The following MCM4 variants were observed in gnomAD, a reference collection of about 807,000 sequenced individuals.
The protein encoded by MCM4 is minichromosome maintenance complex component 4.
In MCM4, 60 loss-of-function variants were observed where a neutral mutation model predicts 88.7. The observed-to-expected ratio is 0.68, with a 90% confidence interval of 0.55 to 0.84. The LOEUF is 0.84. MCM4 is among the 40% of genes least tolerant of loss of function. The pLI is 0.00. For missense variants in MCM4, 1,149 were observed against 1,105.5 expected (o/e 1.04, Z -0.56); for synonymous variants, 465 against 410.5 (o/e 1.13, Z -1.61).
chr8:47,966,154 T>A (rs769713107), intron 8 of MCM4, 33 bp from the exon 9 acceptor site: 3 of 1,573,474 alleles, frequency 1.9e-6, no homozygotes, highest in African/African-American at 1.4e-5. Flanking sequence ...ACACCTCAGG[T>A]CAGGTGTGCT....
At chr8:47,964,311 C>G (rs1403397961) in intron 7 of MCM4, among the ~76,000 whole-genome samples, 1 of 152,136 alleles carries the variant, frequency 6.6e-6, no homozygotes, top group Non-Finnish European at 1.5e-5. Context: ...AATCTTTTTC[C>G]CTTCTAATAG....
At position 47,962,783 on chromosome 8, in the gene MCM4, T is replaced by C. The variant is rs373948407; in HGVS notation, c.521T>C (p.Ile174Thr). 2.5e-6 allele frequency: 4 copies of C among 1,607,152 alleles called. No homozygotes were observed. In the African/African-American group the frequency reaches 4.0e-5, roughly 16 times the overall value. ...TTAAAGAGATTTCTTCAGCGTTTTA[T>C]TGACCCTCTGGCTAAAGAAGAAGAA... ...ENFQRFLQRF[I>T]DPLAKEEENV... The change falls in exon 6 of 17, where the codon ATT becomes ACT. Residue 174 changes from isoleucine to threonine, a missense_variant. By Grantham distance (89) the Ile-to-Thr change is moderately conservative. Transcript: ENST00000649973.
At position 47,972,846 on chromosome 8, in the gene MCM4, T is replaced by G. The variant is rs1156498483; in HGVS notation, c.1929-11T>G. 6.2e-7 allele frequency: 1 copy of G among 1,612,778 alleles called. No individual in the cohort carries two copies. Reference sequence around the variant, plus strand: ...TGCTGGAAAAACAGTATTTTTACTTTGTTTTCTTAGGTTTGATTTGATCTT... The same window carrying G: ...TGCTGGAAAAACAGTATTTTTACTTGGTTTTCTTAGGTTTGATTTGATCTT... On this transcript the variant is annotated splice_polypyrimidine_tract_variant and intron_variant, in intron 13 of 16. Coordinates refer to ENST00000649973, the MANE Select transcript of MCM4 (RefSeq NM_182746.3).
chr8:47,971,157 C>T (rs1213817954), intron 12 of MCM4, among the ~76,000 whole-genome samples, 184 bp from the exon 13 acceptor site: 1 of 152,184 alleles, frequency 6.6e-6, no homozygotes, highest in Non-Finnish European at 1.5e-5. Flanking sequence ...AAACTCAGTC[C>T]TTGGCATGAA....
chr8:47,973,987 T>C (rs2090978711), intron 14 of MCM4: 1 of 152,176 alleles, frequency 6.6e-6, no homozygotes, highest in African/African-American at 2.4e-5. Flanking sequence ...ATTTGGAAAC[T>C]GAAAAAGTCA....
At chr8:47,976,585 A>G (rs544801981) in intron 16 of MCM4, 101 bp from the exon 17 acceptor site, 5 of 810,896 alleles carry the variant, frequency 6.2e-6, no homozygotes, top group African/African-American at 1.7e-5. Context: ...CAAAAAGAGA[A>G]AGATTCTGGG....
intron 2 of MCM4, 41 bp downstream of exon 2, chr8:47,961,255 G>T: frequency 2.1e-6 from 3 of 1,438,428 alleles, no homozygotes; most frequent in South Asian, 2.8e-5. Flanking sequence ...CCCCGGCGCC[G>T]CCCCGTCTGC....
At position 47,963,898 on chromosome 8, in the gene MCM4, A is replaced by G. The variant is rs950425148; in HGVS notation, c.694-676A>G. 6.6e-5 allele frequency among the ~76,000 whole-genome samples: 10 copies of G among 152,218 alleles called. No homozygotes were observed. The South Asian group carries it at 1.4e-3, about 22-fold the overall frequency. On this transcript the variant is annotated intron_variant, in intron 7 of 16. Transcript: ENST00000649973. ...TCCTCATCTGTAAAATGGGAACCAT[A>G]TGTTAAGAAATTTGAATAAATATGA... is the stretch of plus-strand genomic sequence containing the variant.
Position 47,974,850 on chromosome 8 carries a change from C to G in MCM4, c.2253C>G (p.Asn751Lys). The change falls in exon 15 of 17, where the codon AAC becomes AAG. Residue 751 changes from asparagine to lysine, a missense_variant. Around this residue, in one of 3 missense-constraint regions of MCM4, gnomAD observed 238 missense variants for 241.6 expected, o/e 0.99. Coordinates refer to ENST00000649973, the MANE Select transcript of MCM4 (RefSeq NM_182746.3). ...AEAHAKVRLS[N>K]KVEAIDVEEA... ...CCCATGCTAAAGTAAGATTGTCTAA[C>G]AAAGTTGAAGCCATTGATGTGGAAG... 1 of 1,614,226 alleles carries G rather than the reference C, an allele frequency of 6.2e-7. No individual in the cohort carries two copies. Among genetic ancestry groups the G allele is most frequent in the Non-Finnish European group, 8.5e-7 (1 of 1,180,038 alleles).
At chr8:47,966,470 T>C in intron 9 of MCM4, 63 bp downstream of exon 9, 1 of 1,465,036 alleles carries the variant, frequency 6.8e-7, no homozygotes, top group Non-Finnish European at 9.2e-7. Context: ...AAAGGCCAAC[T>C]ATAACTTGTC....
At chr8:47,971,000 C>A in intron 12 of MCM4, 124 bp downstream of exon 12, 1 of 1,173,024 alleles carries the variant, frequency 8.5e-7, no homozygotes, top group Non-Finnish European at 1.2e-6. Context: ...TAAGTGCTTT[C>A]CACATCATAT....
intron 16 of MCM4, among the ~76,000 whole-genome samples, chr8:47,976,277 A>T (rs2090999644): frequency 6.7e-6 from 1 of 149,516 alleles, no homozygotes; most frequent in Non-Finnish European, 1.5e-5. Flanking sequence ...TGGGCACCAG[A>T]GCGGAACTCC....
At position 47,970,951 on chromosome 8, in the gene MCM4, CTG is replaced by C. The variant is rs578161927; in HGVS notation, c.1800+78_1800+79del. ...CCCTTGAAAGACAGGGTCTGTGGAA[CTG>C]TGCTGTGCTACCTTGGTTCTAACTT... On this transcript the variant is annotated intron_variant, in intron 12 of 16. Coordinates refer to ENST00000649973, the MANE Select transcript of MCM4 (RefSeq NM_182746.3). 9.9e-5 allele frequency: 148 copies of C among 1,491,322 alleles called. No individual in the cohort carries two copies. The African/African-American group carries it at 1.8e-3, about 18-fold the overall frequency. The allele number at this position is 1,491,322 out of a possible 1,614,324, so 92.4% of individuals were successfully genotyped here. A position where few individuals can be genotyped will look rare whatever the true frequency, so the allele number is the denominator to read the frequency against.
At chr8:47,976,315 T>C (rs986858818) in intron 16 of MCM4, among the ~76,000 whole-genome samples, 1 of 150,228 alleles carries the variant, frequency 6.7e-6, no homozygotes, top group African/African-American at 2.5e-5. Flanking sequence ...AAAGAAAAAA[T>C]TGTTATGCCC....
chr8:47,968,410 G>A (rs1011133461), intron 10 of MCM4, among the ~76,000 whole-genome samples: 1 of 152,162 alleles, frequency 6.6e-6, no homozygotes, highest in African/African-American at 2.4e-5. Context: ...AGTGACGTGC[G>A]CATTTCCAGT....
chr8:47,962,194 A>G lies in MCM4; in HGVS notation c.377A>G (p.Gln126Arg), dbSNP rs1250608473. 1.2e-6 allele frequency: 2 copies of G among 1,614,070 alleles called. No individual in the cohort carries two copies. Among genetic ancestry groups the G allele is most frequent in the African/African-American group, 1.3e-5 (1 of 74,918 alleles). ...PDLGSAQKGL[Q>R]VDLQSDGAAA... ...CTGGGCTCTGCACAGAAGGGCCTGC[A>G]AGTGGATCTGCAGTCTGACGGGGTG... Residue 126 changes from glutamine (Q) to arginine (R), a missense_variant, in exon 4 of 17, where the codon CAA becomes CGA. Gln to Arg is a conservative substitution (Grantham distance 43, BLOSUM62 1). Coordinates refer to ENST00000649973, the MANE Select transcript of MCM4 (RefSeq NM_182746.3).
chr8:47,973,581 C>G (rs1343119040), intron 14 of MCM4: 1 of 154,138 alleles, frequency 6.5e-6, no homozygotes, highest in Non-Finnish European at 1.4e-5. Context: ...CAAGCTCCAC[C>G]TCCCGGATTC....
At chr8:47,961,085 G>A in intron 1 of MCM4, 46 bp from the exon 2 acceptor site, 1 of 1,494,788 alleles carries the variant, frequency 6.7e-7, no homozygotes, top group Non-Finnish European at 8.9e-7. Context: ...AGCAGGGCAG[G>A]GAAGCCGGGA....
intron 7 of MCM4, 89 bp from the exon 8 acceptor site, chr8:47,964,485 T>C: frequency 9.9e-7 from 1 of 1,007,172 alleles, no homozygotes; most frequent in Non-Finnish European, 1.4e-6. Flanking sequence ...TGACATGTTG[T>C]CTTTTTATAC....
Sources: gnomAD v4.1 joint callset for allele counts (sites outside exome capture counted in the v4.1 genomes callset) on GRCh38, gnomAD v4.1.1 for gene constraint, gnomAD v4.1.1 regional missense constraint, MANE v1.5 for transcripts, NCBI Gene and HGNC (gene_info 2026-07-23, HGNC 2026-07-21) for gene names.